Variants in CACNA2D3 observed in about 807,000 individuals in gnomAD.
The protein encoded by CACNA2D3 is voltage-dependent calcium channel subunit alpha-2/delta-3.
CACNA2D3 carries 60 observed loss-of-function variants against 160.6 expected under a neutral mutation model. The ratio of observed to expected loss-of-function variants is 0.37; its 90% CI spans 0.30 to 0.46. The LOEUF is 0.46. Ranked by LOEUF, CACNA2D3 falls within the 20% of genes least tolerant of loss-of-function variation. The pLI is 1.00. For synonymous variants in CACNA2D3, 558 were observed against 492.9 expected, an observed-to-expected ratio of 1.13 and a Z score of -1.75; for missense variants, 1,205 against 1,365.0, an observed-to-expected ratio of 0.88 and a Z score of 1.85.
chr3:54,947,589 G>A (rs1335851819), intron 27 of CACNA2D3, among the ~76,000 whole-genome samples: 1 of 152,142 alleles, frequency 6.6e-6, no homozygotes, highest in African/African-American at 2.4e-5. Flanking sequence ...GTGGCCTGAT[G>A]CCCTGGGAAT....
intron 11 of CACNA2D3, among the ~76,000 whole-genome samples, chr3:54,740,573 G>A (rs1053066041): frequency 6.6e-6 from 1 of 152,130 alleles, no homozygotes; most frequent in Non-Finnish European, 1.5e-5. Flanking sequence ...ATTCTGATCT[G>A]TCCTTCCCCC....
At chr3:54,194,196 T>C (rs995774673) in intron 2 of CACNA2D3, among the ~76,000 whole-genome samples, 9 of 152,158 alleles carry the variant, frequency 5.9e-5, no homozygotes, top group South Asian at 2.1e-4. Context: ...ATGTGTTGTA[T>C]ATTTCAGAAT....
At chr3:54,204,951 T>G (rs1189838997) in intron 2 of CACNA2D3, among the ~76,000 whole-genome samples, 1 of 150,536 alleles carries the variant, frequency 6.6e-6, no homozygotes, top group African/African-American at 2.4e-5. Flanking sequence ...GAAAAAAACA[T>G]AGAGAATAAG....
intron 27 of CACNA2D3, among the ~76,000 whole-genome samples, chr3:54,930,991 G>T (rs1701174028): frequency 6.6e-6 from 1 of 151,312 alleles, no homozygotes; most frequent in Non-Finnish European, 1.5e-5. Context: ...AGCTACTCAG[G>T]AGGCTGAGGC....
chr3:54,959,669 G>C (rs1222433357), intron 27 of CACNA2D3, among the ~76,000 whole-genome samples: 1 of 152,082 alleles, frequency 6.6e-6, no homozygotes, highest in African/African-American at 2.4e-5. Flanking sequence ...ACATTGATTT[G>C]TGCAGCCCTG....
At chr3:54,169,783 A>G (rs2107309060) in intron 2 of CACNA2D3, among the ~76,000 whole-genome samples, 1 of 151,976 alleles carries the variant, frequency 6.6e-6, no homozygotes, top group South Asian at 2.1e-4. Context: ...GGAGGTGGTG[A>G]TGATGGATCA....
At chr3:54,181,775 C>G (rs1425648488) in intron 2 of CACNA2D3, among the ~76,000 whole-genome samples, 1 of 152,140 alleles carries the variant, frequency 6.6e-6, no homozygotes, top group African/African-American at 2.4e-5. Flanking sequence ...TAATGGGTCA[C>G]TGGTTGACAT....
intron 4 of CACNA2D3, among the ~76,000 whole-genome samples, chr3:54,474,096 C>T (rs377604886): frequency 1.2e-3 from 189 of 152,236 alleles, no homozygotes; most frequent in African/African-American, 4.4e-3. Context: ...GACATATGCA[C>T]GCATATGTTT....
intron 4 of CACNA2D3, among the ~76,000 whole-genome samples, chr3:54,451,229 CTTTTTTTTTTTTTTTTT>C (rs71074970): frequency 3.1e-4 from 16 of 51,756 alleles, no homozygotes; most frequent in Admixed American, 2.7e-3. Context: ...ATATAATAAT[CTTTTTTTTTTTTTTTTT>C]TTTTTTTTTT....
At chr3:54,968,895 T>C (rs1224435396) in intron 28 of CACNA2D3, among the ~76,000 whole-genome samples, 1 of 152,212 alleles carries the variant, frequency 6.6e-6, no homozygotes, top group Non-Finnish European at 1.5e-5. Flanking sequence ...TTTACGTAAC[T>C]AGTTTCTCCA....
chr3:54,237,617 C>T (rs1701907656), intron 2 of CACNA2D3, among the ~76,000 whole-genome samples: 2 of 152,152 alleles, frequency 1.3e-5, no homozygotes, highest in African/African-American at 4.8e-5. Flanking sequence ...CCCACCAAGA[C>T]TTCATTTAAT....
intron 29 of CACNA2D3, among the ~76,000 whole-genome samples, chr3:54,976,880 C>T (rs1702402251): frequency 6.6e-6 from 1 of 152,068 alleles, no homozygotes; most frequent in African/African-American, 2.4e-5. Flanking sequence ...CTGGTGCTGG[C>T]TGTTATAAGG....
intron 5 of CACNA2D3, among the ~76,000 whole-genome samples, chr3:54,520,360 A>G (rs1245211407): frequency 6.6e-6 from 1 of 152,192 alleles, no homozygotes; most frequent in African/African-American, 2.4e-5. Flanking sequence ...AAGCAGATGA[A>G]GCTGGGTCAT....
Position 54,386,700 on chromosome 3 carries a change from T to TTTTTC in CACNA2D3, c.322-11_322-10insCTTTT. 1 of 1,516,150 alleles carries TTTTTC rather than the reference T, an allele frequency of 6.6e-7. No individual in the cohort carries two copies. The highest frequency in any genetic ancestry group is 8.8e-7 in the Non-Finnish European group (1 of 1,137,250). 93.9% of individuals were successfully genotyped at this position (1,516,150 alleles called of 1,614,324 possible). On this transcript the variant is annotated splice_polypyrimidine_tract_variant and intron_variant, in intron 3 of 37. Transcript: ENST00000474759. ...ATCCTTAATGCTGTCTTCTGTTTTT[T>TTTTTC]TTTTTTTTTTTTAGCGTCTGGTGGA...
At chr3:54,171,136 C>CTTTCTTTTTT (rs1700557980) in intron 2 of CACNA2D3, among the ~76,000 whole-genome samples, 1 of 62,542 alleles carries the variant, frequency 1.6e-5, no homozygotes, top group African/African-American at 5.5e-5. Context: ...AAGATGATGA[C>CTTTCTTTTTT]TTTTTTTTTT....
At chr3:54,258,983 G>A (rs1227028264) in intron 2 of CACNA2D3, among the ~76,000 whole-genome samples, 3 of 152,184 alleles carry the variant, frequency 2.0e-5, no homozygotes, top group Non-Finnish European at 4.4e-5. Context: ...GTATTAACCT[G>A]ATCACCATAA....
chr3:54,243,154 C>G (rs887025993), intron 2 of CACNA2D3, among the ~76,000 whole-genome samples: 3 of 152,178 alleles, frequency 2.0e-5, no homozygotes, highest in African/African-American at 7.2e-5. Flanking sequence ...CTCTCCAGCT[C>G]CCCTGTGCAT....
Position 54,745,739 on chromosome 3 carries a change from A to G in CACNA2D3, c.1168-6860A>G, listed in dbSNP as rs143935967. Among the ~76,000 whole-genome samples the G allele has an allele frequency of 4.9e-3, 748 of 152,310 alleles. 18 individuals carry two copies. Among genetic ancestry groups the G allele is most frequent in the Admixed American group, 0.044 (668 of 15,298 alleles). ...AAACACCTGTCTCCTTCACCTTAAC[A>G]AAACACATGGCCATAGAACTGGACT... On this transcript the variant is annotated intron_variant, in intron 11 of 37. Coordinates refer to ENST00000474759, the MANE Select transcript of CACNA2D3 (RefSeq NM_018398.3).
chr3:54,323,631 T>A (rs1193970549), intron 3 of CACNA2D3, among the ~76,000 whole-genome samples: 4 of 152,050 alleles, frequency 2.6e-5, no homozygotes, highest in Admixed American at 6.5e-5. Flanking sequence ...CATGCCCGGC[T>A]AATTTTTTGT....
Sources: allele counts gnomAD v4.1 joint callset (sites outside exome capture counted in the v4.1 genomes callset), GRCh38; gene constraint gnomAD v4.1.1; transcripts MANE v1.5; gene names NCBI Gene and HGNC (gene_info 2026-07-23, HGNC 2026-07-21).